NOS1AP: variants seen among roughly 807,000 people sequenced by gnomAD.
NOS1AP encodes nitric oxide synthase 1 adaptor protein.
NOS1AP carries 21 observed loss-of-function variants against 56.2 expected under a neutral mutation model. The observed-to-expected ratio is 0.37, with a 90% CI of 0.26 to 0.54. The LOEUF is 0.54. NOS1AP is among the 20% of genes least tolerant of loss of function. The pLI, the probability that NOS1AP is intolerant of heterozygous loss-of-function variation, is 0.84. For missense variants in NOS1AP, 522 were observed against 657.8 expected, an observed-to-expected ratio of 0.79 and a Z score of 2.26; for synonymous variants, 270 against 274.6, an observed-to-expected ratio of 0.98 and a Z score of 0.17.
At chr1:162,271,883 C>G (rs1441428662) in intron 2 of NOS1AP, among the ~76,000 whole-genome samples, 2 of 152,060 alleles carry the variant, frequency 1.3e-5, no homozygotes, top group Admixed American at 1.3e-4. Flanking sequence ...TTCCCTTAGT[C>G]CTGTTTTTGT....
intron 5 of NOS1AP, among the ~76,000 whole-genome samples, chr1:162,339,404 A>T (rs1000005367): frequency 1.0e-3 from 74 of 72,280 alleles, no homozygotes; most frequent in East Asian, 3.5e-3. Context: ...CTTTTTTTAA[A>T]AAAAAAAAAA....
chr1:162,352,647 G>T (rs1358200624), intron 6 of NOS1AP, among the ~76,000 whole-genome samples: 1 of 152,032 alleles, frequency 6.6e-6, no homozygotes, highest in African/African-American at 2.4e-5. Flanking sequence ...ACTCTCTTCT[G>T]GTTCGCAAAC....
At chr1:162,126,542 A>AT (rs1369708397) in intron 1 of NOS1AP, among the ~76,000 whole-genome samples, 1 of 149,848 alleles carries the variant, frequency 6.7e-6, no homozygotes, top group Non-Finnish European at 1.5e-5. Flanking sequence ...TCTCTCTGTA[A>AT]TTTTTTTTCA....
chr1:162,171,307 G>A (rs1013532841), intron 2 of NOS1AP, among the ~76,000 whole-genome samples: 18 of 152,140 alleles, frequency 1.2e-4, no homozygotes, highest in African/African-American at 3.9e-4. Flanking sequence ...AATTCAGGTC[G>A]TTTGTTCTTT....
At chr1:162,329,845 A>T (rs1269292988) in intron 4 of NOS1AP, among the ~76,000 whole-genome samples, 1 of 152,246 alleles carries the variant, frequency 6.6e-6, no homozygotes, top group African/African-American at 2.4e-5. Context: ...TAACTAGCTG[A>T]CTTTTTGGTT....
chr1:162,217,860 G>T (rs1652635157), intron 2 of NOS1AP, among the ~76,000 whole-genome samples: 1 of 152,134 alleles, frequency 6.6e-6, no homozygotes, highest in South Asian at 2.1e-4. Context: ...CTAATTGCTG[G>T]ATGGTTTCAG....
At chr1:162,308,982 C>G (rs1324687315) in intron 4 of NOS1AP, among the ~76,000 whole-genome samples, 1 of 152,222 alleles carries the variant, frequency 6.6e-6, no homozygotes, top group African/African-American at 2.4e-5. Context: ...GGCACTCACA[C>G]TTTTGCCCAT....
rs1010389581 is a variant in NOS1AP at position 162,259,630 on chromosome 1, G to A, written c.178-27714G>A. Among the ~76,000 whole-genome samples the A allele has an allele frequency of 3.3e-5, 5 of 152,104 alleles. No individual in the cohort carries two copies. The South Asian group carries it at 6.2e-4, about 19-fold the overall frequency. ...AAACTGCTAAAAAAGCTATTAAAAT[G>A]TACTTTCAATTATGTTCATAGTGTG... is the stretch of plus-strand genomic sequence containing the variant. On this transcript the variant is annotated intron_variant, in intron 2 of 9. Transcript: ENST00000361897.
At chr1:162,106,492 G>T (rs1193650469) in intron 1 of NOS1AP, among the ~76,000 whole-genome samples, 3 of 151,988 alleles carry the variant, frequency 2.0e-5, no homozygotes, top group Admixed American at 1.3e-4. Context: ...GTATTTTATG[G>T]CTCTTTTCAC....
intron 2 of NOS1AP, among the ~76,000 whole-genome samples, chr1:162,273,538 A>G (rs1173855554): frequency 6.6e-6 from 1 of 152,220 alleles, no homozygotes; most frequent in Non-Finnish European, 1.5e-5. Flanking sequence ...TGGAGAGGGT[A>G]TCCCTCACAT....
intron 1 of NOS1AP, among the ~76,000 whole-genome samples, chr1:162,135,305 T>C (rs1416174109): frequency 6.6e-6 from 1 of 152,208 alleles, no homozygotes; most frequent in Non-Finnish European, 1.5e-5. Context: ...CATGTCAGGA[T>C]GCAGGCTACT....
chr1:162,245,061 G>C (rs1179834771), intron 2 of NOS1AP, among the ~76,000 whole-genome samples: 1 of 152,168 alleles, frequency 6.6e-6, no homozygotes, highest in African/African-American at 2.4e-5. Context: ...AGGGGACAAG[G>C]ATAGGGCGAG....
At chr1:162,220,290 A>G (rs1395613877) in intron 2 of NOS1AP, among the ~76,000 whole-genome samples, 1 of 150,940 alleles carries the variant, frequency 6.6e-6, no homozygotes. Context: ...CTGTATAACT[A>G]CCTCCCTCAT....
intron 2 of NOS1AP, among the ~76,000 whole-genome samples, chr1:162,199,595 CGTGT>C (rs58625856): frequency 0.043 from 5,631 of 131,600 alleles, 87 homozygotes; most frequent in Middle Eastern, 0.063. Context: ...GCATGGATTG[CGTGT>C]GTGTGTGTGT....
chr1:162,279,259 G>A (rs949624318), intron 2 of NOS1AP, among the ~76,000 whole-genome samples: 1 of 152,120 alleles, frequency 6.6e-6, no homozygotes, highest in African/African-American at 2.4e-5. Context: ...CATGCTCCTG[G>A]TCAGAGAAAA....
At chr1:162,162,978 A>T (rs1650299374) in intron 2 of NOS1AP, among the ~76,000 whole-genome samples, 1 of 152,124 alleles carries the variant, frequency 6.6e-6, no homozygotes, top group South Asian at 2.1e-4. Flanking sequence ...CAACACCCCT[A>T]GCCCCAGACT....
At chr1:162,342,734 A>G (rs892341561) in intron 5 of NOS1AP, 1 of 381,232 alleles carries the variant, frequency 2.6e-6, no homozygotes, top group Non-Finnish European at 5.4e-6. Context: ...GATTGCTGCC[A>G]TTACCTGGGG....
intron 1 of NOS1AP, among the ~76,000 whole-genome samples, chr1:162,134,244 A>G (rs1009385109): frequency 1.3e-5 from 2 of 152,124 alleles, no homozygotes; most frequent in Non-Finnish European, 2.9e-5. Flanking sequence ...TAATCCCAGC[A>G]CTTTAGGAGG....
intron 1 of NOS1AP, among the ~76,000 whole-genome samples, chr1:162,099,146 C>T (rs977671617): frequency 6.6e-6 from 1 of 152,036 alleles, no homozygotes. Flanking sequence ...TAAACGCATT[C>T]CTTTTTCCCC....
Sources: allele counts gnomAD v4.1 joint callset (sites outside exome capture counted in the v4.1 genomes callset), GRCh38; gene constraint gnomAD v4.1.1; transcripts MANE v1.5; gene names NCBI Gene and HGNC (gene_info 2026-07-23, HGNC 2026-07-21).